Variants in FBXL17 observed in about 807,000 individuals in gnomAD.
FBXL17 encodes F-box/LRR-repeat protein 17.
In FBXL17, 22 loss-of-function variants were observed where a neutral mutation model predicts 66.2. That is an observed-to-expected ratio of 0.33 (90% CI 0.24 to 0.47). The LOEUF (loss-of-function observed/expected upper bound fraction) is 0.47, where lower values mean the gene tolerates loss of function less well. Among genes scored for constraint, FBXL17 ranks in the 20% least tolerant of loss-of-function variants. The probability of loss-of-function intolerance (pLI) is 1.00; values close to 1 mark genes in which losing one functional copy is unlikely to be tolerated. For missense variants in FBXL17, 878 were observed against 948.2 expected (o/e 0.93, Z 0.97); for synonymous variants, 474 against 400.5 (o/e 1.18, Z -2.19).
chr5:108,005,386 T>C (rs959740658), intron 7 of FBXL17, among the ~76,000 whole-genome samples: 3 of 152,078 alleles, frequency 2.0e-5, no homozygotes, highest in African/African-American at 7.2e-5. Flanking sequence ...ATTTTAGGAG[T>C]ATAATAAATG....
In FBXL17 at chr5:108,354,491, G is replaced by C. The variant is rs573688086; in HGVS notation, c.1375-5961C>G. On this transcript the variant is annotated intron_variant, in intron 3 of 8. Transcript: ENST00000542267. ...ATGAACAGAATATCTAAGAACCACA[G>C]AACAACTACAAAAGGTATAACATAA... Among the ~76,000 whole-genome samples the C allele has an allele frequency of 4.2e-4, 64 of 151,814 alleles. 2 individuals carry two copies. The South Asian group carries it at 0.013, about 30-fold the overall frequency.
At chr5:107,982,998 A>G (rs1220821358) in intron 7 of FBXL17, among the ~76,000 whole-genome samples, 1 of 152,122 alleles carries the variant, frequency 6.6e-6, no homozygotes, top group Non-Finnish European at 1.5e-5. Context: ...GCAGTCCATT[A>G]TCAAGTCATT....
At chr5:108,293,671 T>A (rs577232752) in intron 4 of FBXL17, among the ~76,000 whole-genome samples, 11 of 152,180 alleles carry the variant, frequency 7.2e-5, no homozygotes, top group Non-Finnish European at 1.3e-4. Context: ...AAACAGGTAT[T>A]TGCTGTTAAG....
At chr5:107,877,320 A>G (rs1467581822) in intron 8 of FBXL17, among the ~76,000 whole-genome samples, 3 of 152,172 alleles carry the variant, frequency 2.0e-5, no homozygotes, top group Non-Finnish European at 2.9e-5. Flanking sequence ...TTGTTTGACA[A>G]TCCAAGTACA....
At position 108,169,330 on chromosome 5, in the gene FBXL17, T is replaced by G. The variant is rs1752523511; in HGVS notation, c.1745+16787A>C. Reference sequence around the variant, plus strand: ...AGATCATAACATCCAAAATATTAACTCTATGTAAGTAATATCTATTTCCTC... The same window carrying G: ...AGATCATAACATCCAAAATATTAACGCTATGTAAGTAATATCTATTTCCTC... On this transcript the variant is annotated intron_variant, in intron 6 of 8. Coordinates refer to ENST00000542267, the MANE Select transcript of FBXL17 (RefSeq NM_001163315.3). 2.0e-5 allele frequency among the ~76,000 whole-genome samples: 3 copies of G among 152,184 alleles called. No homozygotes were observed. The South Asian group carries it at 6.2e-4, about 31-fold the overall frequency.
intron 7 of FBXL17, among the ~76,000 whole-genome samples, chr5:107,975,156 T>C (rs1285119239): frequency 2.6e-5 from 4 of 152,176 alleles, no homozygotes; most frequent in South Asian, 2.1e-4. Flanking sequence ...AGTCTAGTCA[T>C]TGAGCTATGA....
intron 6 of FBXL17, among the ~76,000 whole-genome samples, chr5:108,077,416 A>C (rs286790): frequency 0.73 from 110,770 of 152,112 alleles, 40,694 homozygotes; most frequent in East Asian, 0.93. Flanking sequence ...GTAATCCCAG[A>C]ACACTGGGAG....
intron 1 of FBXL17, 42 bp from the exon 2 acceptor site, chr5:108,367,995 T>G: frequency 6.6e-7 from 1 of 1,508,330 alleles, no homozygotes; most frequent in Non-Finnish European, 8.9e-7. Context: ...TGCTAAACAT[T>G]TTCAAGGCAC....
chr5:108,058,478 T>C (rs1747800023), intron 6 of FBXL17, among the ~76,000 whole-genome samples: 1 of 151,944 alleles, frequency 6.6e-6, no homozygotes, highest in South Asian at 2.1e-4. Context: ...TCTCCTTTTC[T>C]TTCTTTCTTT....
chr5:108,048,382 G>A (rs1003532289), intron 6 of FBXL17, among the ~76,000 whole-genome samples: 12 of 152,114 alleles, frequency 7.9e-5, no homozygotes, highest in Non-Finnish European at 2.9e-5. Context: ...AACCCAAGAG[G>A]CCAGAGTACC....
At chr5:108,297,797 C>T (rs1758409711) in intron 4 of FBXL17, 1 of 753,158 alleles carries the variant, frequency 1.3e-6, no homozygotes, top group Non-Finnish European at 1.6e-6. Context: ...TTTATTCCAA[C>T]TTAACTCATG....
At chr5:108,043,648 A>T (rs1189107401) in intron 6 of FBXL17, among the ~76,000 whole-genome samples, 1 of 152,160 alleles carries the variant, frequency 6.6e-6, no homozygotes, top group East Asian at 1.9e-4. Flanking sequence ...AACTCCTGAA[A>T]TTGAGTAAAT....
intron 6 of FBXL17, among the ~76,000 whole-genome samples, chr5:108,138,702 C>T (rs1037177716): frequency 6.6e-6 from 1 of 152,076 alleles, no homozygotes; most frequent in African/African-American, 2.4e-5. Flanking sequence ...ATTTAGTGTG[C>T]AATTGGCACT....
chr5:108,214,053 T>C (rs1222063580), intron 5 of FBXL17, among the ~76,000 whole-genome samples: 1 of 152,208 alleles, frequency 6.6e-6, no homozygotes, highest in Non-Finnish European at 1.5e-5. Context: ...CAGAAGATAC[T>C]TTGAAGGGGT....
intron 8 of FBXL17, among the ~76,000 whole-genome samples, chr5:107,871,286 G>T (rs1420710162): frequency 6.6e-6 from 1 of 152,158 alleles, no homozygotes; most frequent in Non-Finnish European, 1.5e-5. Flanking sequence ...TGTGTTGCCT[G>T]TTAACACTAG....
intron 7 of FBXL17, among the ~76,000 whole-genome samples, chr5:108,004,725 T>C (rs1753859196): frequency 6.6e-6 from 1 of 152,216 alleles, no homozygotes; most frequent in Non-Finnish European, 1.5e-5. Context: ...ACAGCTCCTA[T>C]AGCTCTGAAG....
At chr5:108,241,809 C>G (rs77192698) in intron 4 of FBXL17, among the ~76,000 whole-genome samples, 3,771 of 152,218 alleles carry the variant, frequency 0.025, 151 homozygotes, top group African/African-American at 0.086. Context: ...AGCTCCAATA[C>G]GTCCGTAACA....
intron 6 of FBXL17, among the ~76,000 whole-genome samples, chr5:108,054,379 G>A (rs1256376276): frequency 2.0e-5 from 3 of 152,074 alleles, no homozygotes; most frequent in Admixed American, 6.5e-5. Context: ...AAGAAAAGGA[G>A]GGTCACCTCA....
rs145030445 is a variant in FBXL17 at position 108,333,148 on chromosome 5, G to GTATATATATATA, written c.1506+15239_1506+15250dup. ...TGCTTAAGTCAAACCAGAAATACCA[G>GTATATATATATA]TATATATATATATATATATACATAT... is the stretch of plus-strand genomic sequence containing the variant. On this transcript the variant is annotated intron_variant, in intron 4 of 8. Coordinates refer to ENST00000542267, the MANE Select transcript of FBXL17 (RefSeq NM_001163315.3). Among the ~76,000 whole-genome samples, 1,028 of 136,512 alleles carry GTATATATATATA rather than the reference G, an allele frequency of 7.5e-3. 17 individuals are homozygous for GTATATATATATA. Among genetic ancestry groups the GTATATATATATA allele is most frequent in the African/African-American group, 0.029 (941 of 32,772 alleles). The allele number at this position is 136,512 out of a possible 152,430, so 89.6% of individuals were successfully genotyped here.
Sources: allele counts gnomAD v4.1 joint callset (sites outside exome capture counted in the v4.1 genomes callset), GRCh38; gene constraint gnomAD v4.1.1; transcripts MANE v1.5; gene names NCBI Gene and HGNC (gene_info 2026-07-23, HGNC 2026-07-21).